ENPEP: variants seen among roughly 807,000 people sequenced by gnomAD.
ENPEP encodes AP-A.
ENPEP carries 103 observed loss-of-function variants against 114.5 expected under a neutral mutation model. That is an observed-to-expected ratio of 0.90 (90% CI 0.77 to 1.06). The LOEUF is 1.06. Among genes scored for constraint, ENPEP ranks in the 50% least tolerant of loss-of-function variants. The pLI is 0.00. For missense variants in ENPEP, 1,196 were observed against 1,161.3 expected (o/e 1.03, Z -0.43); for synonymous variants, 420 against 422.0 (o/e 1.00, Z 0.06).
chr4:110,515,900 G>A (rs900701130), intron 8 of ENPEP: 9 of 409,122 alleles, frequency 2.2e-5, no homozygotes, highest in African/African-American at 1.1e-4. Flanking sequence ...GAGAGAGAGG[G>A]AGAGAGAGAG....
chr4:110,533,210 A>G (rs1726471571), intron 11 of ENPEP: 1 of 313,212 alleles, frequency 3.2e-6, no homozygotes, highest in Admixed American at 3.8e-5. Context: ...AAGTTTCCAT[A>G]CAAGTGAATT....
chr4:110,487,036 C>G (rs182666258), intron 1 of ENPEP, among the ~76,000 whole-genome samples: 63 of 152,116 alleles, frequency 4.1e-4, no homozygotes, highest in Non-Finnish European at 7.9e-4. Context: ...GATGGCAGAA[C>G]TGGTTGAGCC....
At chr4:110,482,877 C>T (rs1724366544) in intron 1 of ENPEP, among the ~76,000 whole-genome samples, 1 of 152,074 alleles carries the variant, frequency 6.6e-6, no homozygotes, top group South Asian at 2.1e-4. Flanking sequence ...GGGGTAGTGG[C>T]ACATGCCTGT....
At chr4:110,519,558 C>T (rs1178937266) in intron 8 of ENPEP, 1 of 165,218 alleles carries the variant, frequency 6.1e-6, no homozygotes, top group African/African-American at 2.4e-5. Context: ...AAGACTTGTA[C>T]TTTAAAATAT....
At chr4:110,480,823 A>G (rs1050085711) in intron 1 of ENPEP, among the ~76,000 whole-genome samples, 1 of 152,218 alleles carries the variant, frequency 6.6e-6, no homozygotes, top group Non-Finnish European at 1.5e-5. Context: ...AGAAACATCC[A>G]GTCGCTTTTC....
At chr4:110,542,232 A>G (rs1421224732) in intron 11 of ENPEP, among the ~76,000 whole-genome samples, 10 of 152,156 alleles carry the variant, frequency 6.6e-5, no homozygotes, top group Non-Finnish European at 2.9e-5. Context: ...GCTGATTATC[A>G]ATGTATTATC....
intron 7 of ENPEP, 52 bp from the exon 8 acceptor site, chr4:110,515,325 G>C: frequency 6.9e-7 from 1 of 1,444,022 alleles, no homozygotes; most frequent in Non-Finnish European, 9.7e-7. Flanking sequence ...ACTGATCATT[G>C]TTCCTTACAT....
chr4:110,487,475 C>T (rs2110335553), intron 1 of ENPEP, among the ~76,000 whole-genome samples: 1 of 152,256 alleles, frequency 6.6e-6, no homozygotes, highest in East Asian at 1.9e-4. Context: ...TTTCATACAG[C>T]AGCTAGAAAA....
At chr4:110,500,586 C>T (rs1053644987) in intron 3 of ENPEP, among the ~76,000 whole-genome samples, 4 of 151,890 alleles carry the variant, frequency 2.6e-5, no homozygotes, top group Admixed American at 6.6e-5. Context: ...AGTAGACATA[C>T]GAACTTTATA....
intron 3 of ENPEP, among the ~76,000 whole-genome samples, chr4:110,500,695 C>T (rs952975768): frequency 2.6e-5 from 4 of 152,066 alleles, no homozygotes; most frequent in Non-Finnish European, 5.9e-5. Flanking sequence ...CTCCTCACTC[C>T]ATGTTATTTC....
intron 3 of ENPEP, among the ~76,000 whole-genome samples, chr4:110,495,389 T>C (rs1724887876): frequency 6.6e-6 from 1 of 152,224 alleles, no homozygotes; most frequent in African/African-American, 2.4e-5. Flanking sequence ...GCTTTCGCTC[T>C]GCATGATTCT....
chr4:110,503,407 A>G (rs1326062664), intron 3 of ENPEP, among the ~76,000 whole-genome samples: 5 of 151,744 alleles, frequency 3.3e-5, no homozygotes, highest in Non-Finnish European at 7.4e-5. Flanking sequence ...CTTTCTTATA[A>G]CGGTTATTTT....
At chr4:110,558,290 ATAT>A (rs1010933900) in intron 18 of ENPEP, among the ~76,000 whole-genome samples, 21 of 134,478 alleles carry the variant, frequency 1.6e-4, no homozygotes, top group South Asian at 7.3e-4. Context: ...ATATATATAT[ATAT>A]AAATTTTTTT....
At chr4:110,533,715 C>G (rs1726499893) in intron 11 of ENPEP, among the ~76,000 whole-genome samples, 1 of 152,206 alleles carries the variant, frequency 6.6e-6, no homozygotes, top group South Asian at 2.1e-4. Flanking sequence ...AGGGAGTTCT[C>G]ACACTCCTTC....
At chr4:110,491,718 C>CTTTTT (rs970695793) in intron 3 of ENPEP, among the ~76,000 whole-genome samples, 17 of 66,050 alleles carry the variant, frequency 2.6e-4, no homozygotes, top group Non-Finnish European at 4.6e-4. Context: ...TTCTTTCTTT[C>CTTTTT]TTTTTTTTTT....
chr4:110,506,680 A>G lies in ENPEP; in HGVS notation c.962A>G (p.Tyr321Cys), dbSNP rs2110350743. Residue 321 changes from tyrosine (Y) to cysteine (C), a missense_variant, in exon 4 of 20, where the codon TAT becomes TGT. Coordinates refer to ENST00000265162, the MANE Select transcript of ENPEP (RefSeq NM_001977.4). ...CCAGAGCAAAAGCACACAGCCGAAT[A>G]TGCTGCAAACATAACTAAAAGTGTG... ...VQPEQKHTAE[Y>C]AANITKSVFD... 2 of 1,612,900 alleles carry G rather than the reference A, an allele frequency of 1.2e-6. No individual in the cohort carries two copies. Among genetic ancestry groups the G allele is most frequent in the Non-Finnish European group, 1.7e-6 (2 of 1,179,310 alleles).
At chr4:110,545,131 C>A (rs1007864058) in intron 13 of ENPEP, among the ~76,000 whole-genome samples, 1 of 151,820 alleles carries the variant, frequency 6.6e-6, no homozygotes, top group East Asian at 1.9e-4. Flanking sequence ...AGAAGAAATG[C>A]GTAGTTAAAT....
chr4:110,481,224 G>A (rs893362792), intron 1 of ENPEP, among the ~76,000 whole-genome samples: 3 of 151,818 alleles, frequency 2.0e-5, no homozygotes, highest in Non-Finnish European at 4.4e-5. Flanking sequence ...ATCTGTTTTG[G>A]ATTTTGTTTT....
intron 1 of ENPEP, among the ~76,000 whole-genome samples, chr4:110,479,699 TAA>T (rs1387318140): frequency 6.6e-6 from 1 of 152,168 alleles, no homozygotes; most frequent in Non-Finnish European, 1.5e-5. Flanking sequence ...ATATCCACCT[TAA>T]AGAGATTCTA....
Sources: allele counts gnomAD v4.1 joint callset (sites outside exome capture counted in the v4.1 genomes callset), GRCh38; gene constraint gnomAD v4.1.1; transcripts MANE v1.5; gene names NCBI Gene and HGNC (gene_info 2026-07-23, HGNC 2026-07-21).